Variants in LRRTM4 observed in about 807,000 individuals in gnomAD.
LRRTM4 encodes the protein leucine rich repeat transmembrane neuronal 4.
A neutral mutation model predicts 47.6 loss-of-function variants in LRRTM4; 25 were observed. That is an observed-to-expected ratio of 0.53 (90% CI 0.38 to 0.73). LRRTM4 has a LOEUF of 0.73. Among genes scored for constraint, LRRTM4 ranks in the 30% least tolerant of loss-of-function variants. The pLI is 0.00. For synonymous variants in LRRTM4, 311 were observed against 269.5 expected (o/e 1.15, Z -1.51); for missense variants, 638 against 713.4 (o/e 0.89, Z 1.20).
chr2:77,402,958 A>T (rs1276108365), intron 3 of LRRTM4, among the ~76,000 whole-genome samples: 1 of 152,018 alleles, frequency 6.6e-6, no homozygotes, highest in Non-Finnish European at 1.5e-5. Context: ...TCTCTCATAA[A>T]GATGTGTACA....
chr2:76,769,991 G>C (rs757498695), intron 3 of LRRTM4, among the ~76,000 whole-genome samples: 26 of 152,052 alleles, frequency 1.7e-4, no homozygotes, highest in Non-Finnish European at 3.2e-4. Context: ...CAAACCTCTG[G>C]GCTTGGGCCC....
At chr2:76,896,453 T>C (rs1465318259) in intron 3 of LRRTM4, among the ~76,000 whole-genome samples, 1 of 152,064 alleles carries the variant, frequency 6.6e-6, no homozygotes, top group Non-Finnish European at 1.5e-5. Flanking sequence ...AATTTTGTCC[T>C]ATTCTATGAA....
intron 3 of LRRTM4, among the ~76,000 whole-genome samples, chr2:77,447,253 ATG>A (rs1039986398): frequency 2.6e-5 from 4 of 151,968 alleles, no homozygotes; most frequent in Admixed American, 2.0e-4. Context: ...TTGTGTGTGT[ATG>A]TGTGTCTGTG....
At chr2:77,186,006 G>A (rs1159028496) in intron 3 of LRRTM4, among the ~76,000 whole-genome samples, 1 of 152,168 alleles carries the variant, frequency 6.6e-6, no homozygotes, top group African/African-American at 2.4e-5. Context: ...GTTTGTAAAT[G>A]AAGACCTGAC....
At chr2:77,497,649 A>T (rs1160924066) in intron 3 of LRRTM4, among the ~76,000 whole-genome samples, 1 of 151,130 alleles carries the variant, frequency 6.6e-6, no homozygotes, top group African/African-American at 2.4e-5. Flanking sequence ...ATACATGCAT[A>T]TACACATATA....
intron 3 of LRRTM4, among the ~76,000 whole-genome samples, chr2:77,296,322 A>G (rs2104146563): frequency 6.6e-6 from 1 of 152,306 alleles, no homozygotes; most frequent in East Asian, 1.9e-4. Flanking sequence ...ATGACATTAA[A>G]TGGTTTTTAT....
At chr2:77,069,769 C>G (rs1680089016) in intron 3 of LRRTM4, among the ~76,000 whole-genome samples, 1 of 152,100 alleles carries the variant, frequency 6.6e-6, no homozygotes, top group African/African-American at 2.4e-5. Context: ...GGGTGGCTTT[C>G]TAGATTCTCT....
chr2:77,514,153 A>G (rs1679123160), intron 3 of LRRTM4, among the ~76,000 whole-genome samples: 1 of 151,976 alleles, frequency 6.6e-6, no homozygotes, highest in African/African-American at 2.4e-5. Flanking sequence ...ATACAGTTTC[A>G]ATCATAACAT....
At chr2:76,773,763 A>G (rs34318984) in intron 3 of LRRTM4, among the ~76,000 whole-genome samples, 3,293 of 152,020 alleles carry the variant, frequency 0.022, 81 homozygotes, top group South Asian at 0.11. Context: ...GTAAACAAAT[A>G]GAAATCTAAA....
chr2:76,841,519 C>G (rs1317675963), intron 3 of LRRTM4, among the ~76,000 whole-genome samples: 1 of 151,756 alleles, frequency 6.6e-6, no homozygotes, highest in African/African-American at 2.4e-5. Flanking sequence ...CTTTGTTACA[C>G]TGGGATGGGA....
chr2:77,078,343 T>G (rs564808236), intron 3 of LRRTM4, among the ~76,000 whole-genome samples: 51 of 150,742 alleles, frequency 3.4e-4, no homozygotes, highest in Non-Finnish European at 6.2e-4. Flanking sequence ...AAAGATAATT[T>G]TATTGAAAAA....
At chr2:77,499,023 A>G (rs912162154) in intron 3 of LRRTM4, among the ~76,000 whole-genome samples, 3 of 151,884 alleles carry the variant, frequency 2.0e-5, no homozygotes, top group African/African-American at 7.2e-5. Context: ...CCTTGGCTGT[A>G]GAAATGTCTT....
intron 3 of LRRTM4, among the ~76,000 whole-genome samples, chr2:76,880,769 A>T (rs1021031860): frequency 1.3e-5 from 2 of 152,204 alleles, no homozygotes; most frequent in African/African-American, 2.4e-5. Context: ...AACTTTTCAG[A>T]GTGGGCAAAC....
chr2:77,249,194 A>G (rs994238460), intron 3 of LRRTM4, among the ~76,000 whole-genome samples: 1 of 151,978 alleles, frequency 6.6e-6, no homozygotes, highest in Non-Finnish European at 1.5e-5. Flanking sequence ...TACTAAAAAT[A>G]CAAAAATTAG....
At chr2:77,000,401 G>C (rs1371712400) in intron 3 of LRRTM4, among the ~76,000 whole-genome samples, 1 of 152,148 alleles carries the variant, frequency 6.6e-6, no homozygotes. Flanking sequence ...ATGAGAGCTT[G>C]GGAGAGTGTA....
At chr2:77,427,523 T>A (rs1353788332) in intron 3 of LRRTM4, among the ~76,000 whole-genome samples, 2 of 152,208 alleles carry the variant, frequency 1.3e-5, no homozygotes, top group African/African-American at 4.8e-5. Context: ...TAACAATGAT[T>A]TATAAGCACA....
chr2:76,751,518 G>A (rs532804163), intron 3 of LRRTM4, among the ~76,000 whole-genome samples: 1 of 152,202 alleles, frequency 6.6e-6, no homozygotes, highest in Admixed American at 6.5e-5. Context: ...GACAGAGAGA[G>A]CTAGGAACAG....
intron 3 of LRRTM4, among the ~76,000 whole-genome samples, chr2:76,976,179 C>A (rs961535551): frequency 6.6e-6 from 1 of 151,694 alleles, no homozygotes; most frequent in African/African-American, 2.4e-5. Context: ...AATGTTGTTA[C>A]CAAACTTTTC....
At chr2:77,031,053 T>G (rs1678635616) in intron 3 of LRRTM4, among the ~76,000 whole-genome samples, 1 of 152,164 alleles carries the variant, frequency 6.6e-6, no homozygotes, top group Non-Finnish European at 1.5e-5. Flanking sequence ...TTCTTATATT[T>G]TAAATGGAGA....
Sources: gnomAD v4.1 joint callset for allele counts (sites outside exome capture counted in the v4.1 genomes callset) on GRCh38, gnomAD v4.1.1 for gene constraint, MANE v1.5 for transcripts, NCBI Gene and HGNC (gene_info 2026-07-23, HGNC 2026-07-21) for gene names.